KCNAB1: variants seen among roughly 807,000 people sequenced by gnomAD.
KCNAB1 encodes potassium voltage-gated channel subfamily A regulatory beta subunit 1, also known as voltage-gated potassium channel subunit beta-1.
In KCNAB1, 35 loss-of-function variants were observed where a neutral mutation model predicts 64.6. The ratio of observed to expected loss-of-function variants is 0.54; its 90% confidence interval spans 0.41 to 0.72. The LOEUF (loss-of-function observed/expected upper bound fraction) is 0.72. Among genes scored for constraint, KCNAB1 ranks in the 30% least tolerant of loss-of-function variants. The pLI is 0.00. For missense variants in KCNAB1, 401 were observed against 512.9 expected (o/e 0.78, Z 2.11); for synonymous variants, 177 against 183.8 (o/e 0.96, Z 0.30).
intron 1 of KCNAB1, among the ~76,000 whole-genome samples, chr3:156,297,259 CTT>C (rs71141704): frequency 1.3e-3 from 122 of 96,534 alleles, no homozygotes; most frequent in Middle Eastern, 0.016. Context: ...TTGAGGTTGG[CTT>C]TTTTTTTTTT....
At chr3:156,494,064 A>G (rs1715828363) in intron 8 of KCNAB1, among the ~76,000 whole-genome samples, 1 of 152,076 alleles carries the variant, frequency 6.6e-6, no homozygotes, top group South Asian at 2.1e-4. Context: ...ATGATGCGTA[A>G]TTTTAGCGTT....
Position 156,536,915 on chromosome 3 carries a change from C to T in KCNAB1, c.*168C>T. 1.7e-6 allele frequency: 1 copy of T among 603,884 alleles called. No individual in the cohort carries two copies. Among genetic ancestry groups the T allele is most frequent in the Non-Finnish European group, 2.9e-6 (1 of 339,526 alleles). 37.4% of individuals were successfully genotyped at this position (603,884 alleles called of 1,614,324 possible). A position where few individuals can be genotyped will look rare whatever the true frequency, so the allele number is the denominator to read the frequency against. On this transcript the variant is annotated 3_prime_UTR_variant, in exon 14 of 14. Coordinates refer to ENST00000490337, the MANE Select transcript of KCNAB1 (RefSeq NM_172160.3). ...CTGCTGTCGCTACCACTGTGCACAT[C>T]TGAAAACTCACAACCAAGAAAATCC... is the stretch of plus-strand genomic sequence containing the variant.
intron 1 of KCNAB1, among the ~76,000 whole-genome samples, chr3:156,185,651 GA>G (rs1713139661): frequency 6.6e-6 from 1 of 152,192 alleles, no homozygotes; most frequent in Admixed American, 6.5e-5. Context: ...TAATTGGGTA[GA>G]GAAGTAACTA....
rs534594475 is a variant in KCNAB1, at chr3:156,339,648, C to A, written c.276-81968C>A. Among the ~76,000 whole-genome samples, 7 of 152,290 alleles carry A rather than the reference C, an allele frequency of 4.6e-5. No individual in the cohort carries two copies. In the East Asian group the frequency reaches 1.4e-3, roughly 29 times the overall value. On this transcript the variant is annotated intron_variant, in intron 1 of 13. Coordinates refer to ENST00000490337, the MANE Select transcript of KCNAB1 (RefSeq NM_172160.3). ...AATAATACCTGTGTCCATTGTCTGT[C>A]AATTGTTTACTCAGGCAGGCAGCAG...
chr3:156,337,686 A>G (rs754234539), intron 1 of KCNAB1, among the ~76,000 whole-genome samples: 36 of 152,204 alleles, frequency 2.4e-4, no homozygotes, highest in Non-Finnish European at 5.0e-4. Flanking sequence ...GAGTTAGACA[A>G]ATCTGGGTTC....
chr3:156,466,670 G>A (rs1053198976), intron 7 of KCNAB1, among the ~76,000 whole-genome samples: 8 of 151,926 alleles, frequency 5.3e-5, no homozygotes, highest in Non-Finnish European at 8.8e-5. Flanking sequence ...CATAAAAAAT[G>A]TGTAGAAAAT....
chr3:156,424,544 G>C (rs889156270), intron 2 of KCNAB1, among the ~76,000 whole-genome samples: 2 of 151,694 alleles, frequency 1.3e-5, no homozygotes, highest in Non-Finnish European at 2.9e-5. Context: ...TAACTATTCG[G>C]TATTCATTAT....
intron 8 of KCNAB1, among the ~76,000 whole-genome samples, chr3:156,513,222 C>A (rs77158718): frequency 0.013 from 1,918 of 151,036 alleles, 34 homozygotes; most frequent in African/African-American, 0.043. Context: ...AAAAAAAAAA[C>A]AACAACAACA....
intron 1 of KCNAB1, among the ~76,000 whole-genome samples, chr3:156,284,870 A>G (rs1051448137): frequency 2.0e-5 from 3 of 151,850 alleles, no homozygotes; most frequent in Admixed American, 2.0e-4. Context: ...ACAGTCTGGC[A>G]CTCCCTAGTG....
At chr3:156,125,200 C>T (rs967374444) in intron 1 of KCNAB1, among the ~76,000 whole-genome samples, 8 of 151,614 alleles carry the variant, frequency 5.3e-5, no homozygotes, top group East Asian at 1.9e-4. Flanking sequence ...GAAAGAGGAA[C>T]GTGCTTTGTT....
intron 10 of KCNAB1, 100 bp from the exon 11 acceptor site, chr3:156,516,168 CCT>C: frequency 1.3e-6 from 1 of 763,094 alleles, no homozygotes. Context: ...CCAGCTTTTC[CCT>C]ATAACCTACC....
At chr3:156,474,970 C>A in intron 8 of KCNAB1, 150 bp downstream of exon 8, 1 of 614,518 alleles carries the variant, frequency 1.6e-6, no homozygotes, top group Non-Finnish European at 2.8e-6. Flanking sequence ...TTGGCCTCAG[C>A]GTTTAACCCC....
At chr3:156,365,797 A>T (rs1725907954) in intron 1 of KCNAB1, among the ~76,000 whole-genome samples, 1 of 152,230 alleles carries the variant, frequency 6.6e-6, no homozygotes, top group South Asian at 2.1e-4. Context: ...AATAAACAAG[A>T]TTCTAAACTC....
intron 1 of KCNAB1, among the ~76,000 whole-genome samples, chr3:156,178,445 A>G (rs900044906): frequency 2.0e-5 from 3 of 152,224 alleles, no homozygotes; most frequent in African/African-American, 7.2e-5. Flanking sequence ...ATGTAGCACG[A>G]CAGAGATGCC....
chr3:156,528,453 G>A (rs1366519787), intron 12 of KCNAB1, among the ~76,000 whole-genome samples: 1 of 152,168 alleles, frequency 6.6e-6, no homozygotes, highest in African/African-American at 2.4e-5. Context: ...CTGCAAATAA[G>A]GCATACCTCA....
intron 2 of KCNAB1, among the ~76,000 whole-genome samples, chr3:156,423,258 A>G (rs1048971900): frequency 6.6e-6 from 1 of 152,226 alleles, no homozygotes; most frequent in Admixed American, 6.5e-5. Context: ...ACTTATGGGG[A>G]AATCCTTTTG....
chr3:156,474,954 T>C, intron 8 of KCNAB1, 134 bp downstream of exon 8: 1 of 714,760 alleles, frequency 1.4e-6, no homozygotes, highest in South Asian at 1.8e-5. Context: ...TTCTGACTGA[T>C]GCCTTTTGGC....
chr3:156,223,519 A>C (rs1261739683), intron 1 of KCNAB1, among the ~76,000 whole-genome samples: 1 of 152,224 alleles, frequency 6.6e-6, no homozygotes, highest in Admixed American at 6.5e-5. Flanking sequence ...AGCTAGACAC[A>C]GAGTACTCAT....
intron 2 of KCNAB1, among the ~76,000 whole-genome samples, chr3:156,447,936 A>T (rs1174413130): frequency 6.6e-6 from 1 of 152,206 alleles, no homozygotes; most frequent in Non-Finnish European, 1.5e-5. Flanking sequence ...TTTAAATGGT[A>T]AACATGTTTT....
Sources: gnomAD v4.1 joint callset for allele counts (sites outside exome capture counted in the v4.1 genomes callset) on GRCh38, gnomAD v4.1.1 for gene constraint, MANE v1.5 for transcripts, NCBI Gene and HGNC (gene_info 2026-07-23, HGNC 2026-07-21) for gene names.